Variants in UROC1 observed in about 807,000 individuals in gnomAD.
The protein encoded by UROC1 is urocanate hydratase 1.
A neutral mutation model predicts 89.5 loss-of-function variants in UROC1; 79 were observed. The ratio of observed to expected loss-of-function variants is 0.88; its 90% CI spans 0.74 to 1.06. The LOEUF is 1.06. Ranked by LOEUF, UROC1 falls within the 50% of genes least tolerant of loss-of-function variation. UROC1 has a pLI of 0.00. For missense variants in UROC1, 885 were observed against 907.8 expected, an observed-to-expected ratio of 0.97 and a Z score of 0.32; for synonymous variants, 361 against 354.8, an observed-to-expected ratio of 1.02 and a Z score of -0.20.
At position 126,481,637 on chromosome 3, in the gene UROC1, G is replaced by A. The variant is rs939013351; in HGVS notation, c.*708C>T. 5 of 152,152 alleles carry A rather than the reference G, an allele frequency of 3.3e-5. No individual in the cohort carries two copies. Among genetic ancestry groups the A allele is most frequent in the South Asian group, 2.1e-4 (1 of 4,828 alleles). 9.4% of individuals were successfully genotyped at this position (152,152 alleles called of 1,614,324 possible). ...TTCCCCCATCCCGGTGACCTCTCAC[G>A]AGGCTCTGGACCCAGTCATTACCGG... On this transcript the variant is annotated 3_prime_UTR_variant, in exon 20 of 20. Coordinates refer to ENST00000290868, the MANE Select transcript of UROC1 (RefSeq NM_144639.3).
intron 14 of UROC1, 69 bp downstream of exon 14, chr3:126,497,982 C>A: frequency 6.2e-7 from 1 of 1,611,768 alleles, no homozygotes; most frequent in Non-Finnish European, 8.5e-7. Flanking sequence ...GCTATAGAAG[C>A]TTGTCTCTAT....
chr3:126,502,954 A>ACGTG (rs1553808004), intron 9 of UROC1, among the ~76,000 whole-genome samples: 6 of 150,756 alleles, frequency 4.0e-5, no homozygotes, highest in African/African-American at 1.5e-4. Flanking sequence ...TGTGTGTTAT[A>ACGTG]TGTGTGTTTA....
At chr3:126,496,182 T>C in intron 14 of UROC1, 74 bp from the exon 15 acceptor site, 1 of 1,479,882 alleles carries the variant, frequency 6.8e-7, no homozygotes, top group South Asian at 1.2e-5. Flanking sequence ...GCTGCTCAGC[T>C]CAGCACAGAC....
intron 14 of UROC1, among the ~76,000 whole-genome samples, chr3:126,497,186 G>C (rs563353404): frequency 6.6e-6 from 1 of 152,312 alleles, no homozygotes; most frequent in East Asian, 1.9e-4. Context: ...CCAGCCCACC[G>C]AACATGGCCA....
chr3:126,509,812 A>G, intron 2 of UROC1, 134 bp from the exon 3 acceptor site: 1 of 856,488 alleles, frequency 1.2e-6, no homozygotes, highest in South Asian at 1.4e-5. Flanking sequence ...AGGAACGTAC[A>G]GTGGGGGCTC....
At chr3:126,501,164 A>AG (rs1369650654) in intron 10 of UROC1, 54 bp downstream of exon 10, 3 of 1,580,264 alleles carry the variant, frequency 1.9e-6, no homozygotes, top group Non-Finnish European at 2.6e-6. Flanking sequence ...GTCTTTGCTC[A>AG]GGGGGCCCCA....
In UROC1 at chr3:126,490,325, C is replaced by A. The variant is rs538288923; in HGVS notation, c.1609-950G>T. 2.0e-5 allele frequency among the ~76,000 whole-genome samples: 3 copies of A among 152,270 alleles called. No individual in the cohort carries two copies. The East Asian group carries it at 5.8e-4, about 29-fold the overall frequency. On this transcript the variant is annotated intron_variant, in intron 16 of 19. Transcript: ENST00000290868. ...ATGGATGTGGTACAGCCCTGGAAGT[C>A]AGGTAGGGCCATGGCTAAGGGCAGG...
In UROC1 at chr3:126,517,668, C is replaced by G. The variant is rs1275358661; in HGVS notation, c.52G>C (p.Glu18Gln). 6.2e-7 allele frequency: 1 copy of G among 1,606,750 alleles called. No homozygotes were observed. Among genetic ancestry groups the G allele is most frequent in the Non-Finnish European group, 8.5e-7 (1 of 1,177,382 alleles). Residue 18 changes from glutamate (E) to glutamine (Q), a missense_variant, in exon 1 of 20, where the codon GAG becomes CAG. Transcript: ENST00000290868. ...ACCCCAGCCTGGCGTCCCCGGTTCT[C>G]TGGGAGGGGCCGCAGGGGCAGGCCA... ...CSGLPLRPLP[E>Q]NRGRQAGVPH... is the part of the protein sequence containing the mutation.
rs773821871 is a variant in UROC1, at chr3:126,489,342, C to T, written c.1642G>A (p.Val548Met). 19 of 1,613,364 alleles carry T rather than the reference C, an allele frequency of 1.2e-5. No individual in the cohort carries two copies. The highest frequency in any genetic ancestry group is 1.6e-4 in the Middle Eastern group (1 of 6,062). Residue 548 changes from valine (V) to methionine (M), a missense_variant, in exon 17 of 20, where the codon GTG becomes ATG. Coordinates refer to ENST00000290868, the MANE Select transcript of UROC1 (RefSeq NM_144639.3). The stretch of plus-strand genomic sequence containing the variant: ...CTAAAGGGGCTGTCGGTGCCGCTCA[C>T]GTCATGGTGATCTCGGCTCAGGACC... ...PVVLSRDHHD[V>M]SGTDSPFRET...
chr3:126,506,079 C>G, intron 6 of UROC1, 68 bp from the exon 7 acceptor site: 1 of 1,579,222 alleles, frequency 6.3e-7, no homozygotes, highest in South Asian at 1.1e-5. Context: ...CCCAGCCACT[C>G]CTTTTAGGAG....
intron 18 of UROC1, among the ~76,000 whole-genome samples, chr3:126,486,850 A>G (rs1318219730): frequency 6.6e-6 from 1 of 152,210 alleles, no homozygotes; most frequent in Non-Finnish European, 1.5e-5. Flanking sequence ...TGGAGTAGCC[A>G]TGGTTGAGGG....
rs143189726 is a variant in UROC1 at position 126,505,194 on chromosome 3, C to T, written c.813+507G>A. Among the ~76,000 whole-genome samples the T allele has an allele frequency of 5.0e-3, 755 of 152,222 alleles. 5 individuals carry two copies. The highest frequency in any genetic ancestry group is 6.8e-3 in the Middle Eastern group (2 of 294). ...GCCTGCAGAACTGTCAAACAAACCT[C>T]GTTTCTTTATAAATTAGCCTCAGGT... is the stretch of plus-strand genomic sequence containing the variant. On this transcript the variant is annotated intron_variant, in intron 8 of 19. Transcript: ENST00000290868.
At position 126,507,867 on chromosome 3, in the gene UROC1, G is replaced by T. The variant is rs1936105137; in HGVS notation, c.541-64C>A. ...CTTGGAGGGCGAGCACAGAGCCCTG[G>T]GGATGATGCACAGCGTTGGGGCACT... On this transcript the variant is annotated intron_variant, in intron 5 of 19. Transcript: ENST00000290868. 2.5e-6 allele frequency: 4 copies of T among 1,613,008 alleles called. No homozygotes were observed. The South Asian group carries it at 4.4e-5, about 18-fold the overall frequency.
rs1374035354 is a variant in UROC1 at position 126,492,512 on chromosome 3, A to C, written c.1514T>G (p.Val505Gly). 2.5e-6 allele frequency: 4 copies of C among 1,611,668 alleles called. No homozygotes were observed. Among genetic ancestry groups the C allele is most frequent in the Non-Finnish European group, 3.4e-6 (4 of 1,179,850 alleles). Reference sequence around the variant, plus strand: ...GTACAGGATCCTTGCCTGGGAGCCCACCACCTGAGGAGAGAAGGGCAACTG... The same window carrying C: ...GTACAGGATCCTTGCCTGGGAGCCCCCCACCTGAGGAGAGAAGGGCAACTG... Reference protein sequence around the residue: ...IREAARHRLVVGSQARILYSD... With the variant: ...IREAARHRLVGGSQARILYSD... Residue 505 changes from valine to glycine, a missense_variant, in exon 16 of 20, where the codon GTG becomes GGG. Val to Gly is a moderately radical substitution (Grantham distance 109). Transcript: ENST00000290868.
At chr3:126,499,891 G>A (rs942404053) in intron 12 of UROC1, among the ~76,000 whole-genome samples, 166 bp downstream of exon 12, 2 of 152,132 alleles carry the variant, frequency 1.3e-5, no homozygotes, top group Non-Finnish European at 2.9e-5. Flanking sequence ...CACCTGGCTG[G>A]GCCTCAGCAT....
At chr3:126,488,368 A>C in intron 17 of UROC1, 89 bp from the exon 18 acceptor site, 2 of 1,484,150 alleles carry the variant, frequency 1.3e-6, no homozygotes, top group Non-Finnish European at 1.9e-6. Context: ...CTAAGCCAGC[A>C]CTGCTAGGCC....
At chr3:126,503,646 C>T (rs972461641) in intron 9 of UROC1, among the ~76,000 whole-genome samples, 5 of 152,214 alleles carry the variant, frequency 3.3e-5, no homozygotes, top group East Asian at 1.9e-4. Context: ...ATTCATGCTT[C>T]GCAGAACCAG....
chr3:126,484,622 G>A (rs1222472258), intron 18 of UROC1, among the ~76,000 whole-genome samples: 1 of 152,182 alleles, frequency 6.6e-6, no homozygotes, highest in East Asian at 1.9e-4. Flanking sequence ...GGAAGCCAGT[G>A]AGAGGTGCCC....
chr3:126,515,111 C>T (rs1282845695), intron 1 of UROC1, among the ~76,000 whole-genome samples: 2 of 152,078 alleles, frequency 1.3e-5, no homozygotes, highest in Non-Finnish European at 2.9e-5. Flanking sequence ...ACTCCTCCAC[C>T]TGGAGCCACC....
Sources: allele counts gnomAD v4.1 joint callset (sites outside exome capture counted in the v4.1 genomes callset), GRCh38; gene constraint gnomAD v4.1.1; transcripts MANE v1.5; gene names NCBI Gene and HGNC (gene_info 2026-07-23, HGNC 2026-07-21).